WBP2NL: variants seen among roughly 807,000 people sequenced by gnomAD.
The protein encoded by WBP2NL is WBP2 N-terminal like.
A neutral mutation model predicts 23.3 loss-of-function variants in WBP2NL; 27 were observed. That is an observed-to-expected ratio of 1.16 (90% CI 0.85 to 1.60). The LOEUF is 1.60. Ranked by LOEUF, WBP2NL falls within the 40% of genes most tolerant of loss-of-function variation. WBP2NL has a pLI of 0.00. For synonymous variants in WBP2NL, 151 were observed against 145.9 expected (o/e 1.03, Z -0.25); for missense variants, 370 against 389.5 (o/e 0.95, Z 0.42).
chr22:42,023,138 G>A (rs1273092744), intron 5 of WBP2NL, among the ~76,000 whole-genome samples: 1 of 151,784 alleles, frequency 6.6e-6, no homozygotes, highest in African/African-American at 2.4e-5. Flanking sequence ...AGTATTTGAC[G>A]TATTCACAAT....
chr22:42,006,509 A>C (rs2146759761), intron 1 of WBP2NL, among the ~76,000 whole-genome samples: 1 of 152,338 alleles, frequency 6.6e-6, no homozygotes, highest in Non-Finnish European at 1.5e-5. Context: ...CTGGCATTAC[A>C]GGCGTGAGCC....
At chr22:42,034,054 G>GCCCTCAGCTC (rs1029533767), downstream of WBP2NL, among the ~76,000 whole-genome samples, 2 of 152,200 alleles carry the variant, frequency 1.3e-5, no homozygotes, top group Non-Finnish European at 2.9e-5. Flanking sequence ...AAGCCAAGCT[G>GCCCTCAGCTC]CCCTCAGCTC....
At chr22:42,037,846 TGA>T (rs1190223204), downstream of WBP2NL, among the ~76,000 whole-genome samples, 2 of 96,102 alleles carry the variant, frequency 2.1e-5, no homozygotes, top group Non-Finnish European at 4.1e-5. Flanking sequence ...AGAGAGAGAG[TGA>T]GAGTGTGTGT....
At chr22:42,045,886 A>G (rs2146819815) in intron 8 of WBP2NL, among the ~76,000 whole-genome samples, 1 of 152,382 alleles carries the variant, frequency 6.6e-6, no homozygotes, top group Middle Eastern at 3.4e-3. Context: ...CCATTTTAAA[A>G]TCTAAACTAG....
intron 8 of WBP2NL, among the ~76,000 whole-genome samples, chr22:42,039,908 G>GTT (rs80348568): frequency 8.8e-5 from 12 of 135,630 alleles, no homozygotes; most frequent in South Asian, 2.3e-4. Flanking sequence ...GTACAGTTAG[G>GTT]TTTTTTTTTT....
At chr22:42,043,546 G>T (rs1925475818) in intron 8 of WBP2NL, among the ~76,000 whole-genome samples, 2 of 152,268 alleles carry the variant, frequency 1.3e-5, no homozygotes, top group East Asian at 1.9e-4. Context: ...TGTAGCTGTG[G>T]TGTTGGTAGT....
At chr22:42,000,111 C>G (rs1264710400) in intron 1 of WBP2NL, among the ~76,000 whole-genome samples, 2 of 152,200 alleles carry the variant, frequency 1.3e-5, no homozygotes, top group African/African-American at 4.8e-5. Flanking sequence ...CATTGAAACT[C>G]AAGCTGGATG....
Position 42,028,355 on chromosome 22 carries a change from T to G in WBP2NL, c.*1174T>G, listed in dbSNP as rs1436425956. 1.0e-5 allele frequency: 3 copies of G among 292,836 alleles called. No individual in the cohort carries two copies. Among genetic ancestry groups the G allele is most frequent in the Non-Finnish European group, 1.9e-5 (3 of 161,856 alleles). 18.1% of individuals were successfully genotyped at this position (292,836 alleles called of 1,614,324 possible). On this transcript the variant is annotated 3_prime_UTR_variant, in exon 6 of 6. Coordinates refer to ENST00000328823, the MANE Select transcript of WBP2NL (RefSeq NM_152613.3). ...TATTTGTATATTTATAACAAATATTTTGTAATGTCTCCTTCACTTCAATGA... is the reference window on the plus strand; with the variant it reads ...TATTTGTATATTTATAACAAATATTGTGTAATGTCTCCTTCACTTCAATGA...
At chr22:42,023,622 G>A (rs979041180) in intron 5 of WBP2NL, among the ~76,000 whole-genome samples, 1 of 152,010 alleles carries the variant, frequency 6.6e-6, no homozygotes, top group Non-Finnish European at 1.5e-5. Context: ...CTCCTGAGTA[G>A]CTGGGACTAC....
chr22:42,015,494 C>G (rs1485099505), intron 1 of WBP2NL, among the ~76,000 whole-genome samples: 1 of 152,110 alleles, frequency 6.6e-6, no homozygotes, highest in Non-Finnish European at 1.5e-5. Context: ...CCTCTGCCTC[C>G]CGGGTTCAAG....
intron 4 of WBP2NL, among the ~76,000 whole-genome samples, chr22:42,021,095 T>C (rs1199001384): frequency 6.6e-6 from 1 of 150,644 alleles, no homozygotes; most frequent in Non-Finnish European, 1.5e-5. Flanking sequence ...AATTTTTGTA[T>C]TTTTAGTAGA....
chr22:42,047,483 G>A (rs952426621), intron 8 of WBP2NL, among the ~76,000 whole-genome samples: 4 of 151,110 alleles, frequency 2.6e-5, no homozygotes, highest in Non-Finnish European at 5.9e-5. Context: ...CCAGCTACTC[G>A]GGAGGCTGAG....
At chr22:42,035,715 T>C (rs1925158162), downstream of WBP2NL, among the ~76,000 whole-genome samples, 1 of 152,234 alleles carries the variant, frequency 6.6e-6, no homozygotes, top group Non-Finnish European at 1.5e-5. Flanking sequence ...TGAATGTTTT[T>C]GTGAAACATT....
chr22:42,044,912 A>AAGTTGAT (rs1160006006), intron 8 of WBP2NL, among the ~76,000 whole-genome samples: 1 of 152,056 alleles, frequency 6.6e-6, no homozygotes, highest in African/African-American at 2.4e-5. Flanking sequence ...TCCTGGGCTC[A>AAGTTGAT]AGTTGATCGT....
intron 1 of WBP2NL, among the ~76,000 whole-genome samples, chr22:42,017,278 G>T (rs746483058): frequency 6.6e-5 from 10 of 152,144 alleles, no homozygotes; most frequent in African/African-American, 1.7e-4. Flanking sequence ...ACCATGCCTG[G>T]ATACTTTTTG....
chr22:42,042,123 T>C (rs917660789), intron 8 of WBP2NL, among the ~76,000 whole-genome samples: 1 of 152,234 alleles, frequency 6.6e-6, no homozygotes, highest in African/African-American at 2.4e-5. Flanking sequence ...ACAGTTTCAT[T>C]GTGATGTGTC....
chr22:42,057,699 A>G (rs779799964), intron 8 of WBP2NL, among the ~76,000 whole-genome samples: 5 of 150,666 alleles, frequency 3.3e-5, no homozygotes, highest in Non-Finnish European at 5.9e-5. Flanking sequence ...GTACTGGACT[A>G]TTTTACTGGA....
At chr22:42,001,544 G>T (rs1921683739) in intron 1 of WBP2NL, 8 of 1,106,380 alleles carry the variant, frequency 7.2e-6, no homozygotes, top group Non-Finnish European at 1.1e-5. Flanking sequence ...CACATCAGCT[G>T]CTACACGAGT....
At chr22:42,002,902 C>T (rs1921845462) in intron 1 of WBP2NL, 1 of 152,084 alleles carries the variant, frequency 6.6e-6, no homozygotes, top group Non-Finnish European at 1.5e-5. Flanking sequence ...ATTCGAGAGG[C>T]TAAGGTGGGA....
Sources: allele counts gnomAD v4.1 joint callset (sites outside exome capture counted in the v4.1 genomes callset), GRCh38; gene constraint gnomAD v4.1.1; transcripts MANE v1.5; gene names NCBI Gene and HGNC (gene_info 2026-07-23, HGNC 2026-07-21).